SOX5: variants seen among roughly 807,000 people sequenced by gnomAD.
SOX5 encodes the protein SRY-box transcription factor 5.
SOX5 carries 9 observed loss-of-function variants against 92.0 expected under a neutral mutation model. The observed-to-expected ratio is 0.10, with a 90% CI of 0.06 to 0.17. The LOEUF (loss-of-function observed/expected upper bound fraction) is 0.17. SOX5 is among the 10% of genes least tolerant of loss of function. SOX5 has a pLI of 1.00. For synonymous variants in SOX5, 344 were observed against 336.3 expected, an observed-to-expected ratio of 1.02 and a Z score of -0.25; for missense variants, 642 against 944.5, an observed-to-expected ratio of 0.68 and a Z score of 4.20.
intron 2 of SOX5, among the ~76,000 whole-genome samples, chr12:24,298,783 C>CAAAAAAAAAAAAAAAAAAAAAAAA (rs10657648): frequency 1.0e-5 from 1 of 96,732 alleles, no homozygotes; most frequent in Non-Finnish European, 2.2e-5. Flanking sequence ...CCAGAGTAGT[C>CAAAAAAAAAAAAAAAAAAAAAAAA]AAAAAAAAAA....
intron 8 of SOX5, among the ~76,000 whole-genome samples, chr12:23,614,494 A>G (rs772863309): frequency 2.0e-5 from 3 of 152,212 alleles, no homozygotes; most frequent in Non-Finnish European, 4.4e-5. Context: ...ATGTATCAGT[A>G]GCCTGTTATT....
At chr12:24,347,230 T>C (rs963221317) in intron 2 of SOX5, among the ~76,000 whole-genome samples, 2 of 152,194 alleles carry the variant, frequency 1.3e-5, no homozygotes, top group Admixed American at 1.3e-4. Flanking sequence ...TGTACAGGCA[T>C]TGTATTTGCT....
chr12:24,513,604 G>T (rs1006829242), intron 1 of SOX5, among the ~76,000 whole-genome samples: 1 of 152,116 alleles, frequency 6.6e-6, no homozygotes, highest in Non-Finnish European at 1.5e-5. Flanking sequence ...GGGGAACATC[G>T]CAAGAATACT....
intron 3 of SOX5, among the ~76,000 whole-genome samples, chr12:23,825,711 A>AT (rs1226044492): frequency 6.6e-6 from 1 of 152,208 alleles, no homozygotes; most frequent in Non-Finnish European, 1.5e-5. Flanking sequence ...ATGTTTTCAA[A>AT]ACAACAAATA....
At chr12:24,104,218 T>C (rs914915717) in intron 4 of SOX5, among the ~76,000 whole-genome samples, 37 of 152,330 alleles carry the variant, frequency 2.4e-4, no homozygotes, top group African/African-American at 6.7e-4. Context: ...TTGAGATACA[T>C]AGAAATTAGA....
intron 9 of SOX5, among the ~76,000 whole-genome samples, chr12:23,587,542 C>A (rs1325323019): frequency 6.6e-6 from 1 of 151,884 alleles, no homozygotes; most frequent in Non-Finnish European, 1.5e-5. Context: ...TTTTTCTATC[C>A]CATAGATAGG....
intron 2 of SOX5, among the ~76,000 whole-genome samples, chr12:24,298,466 T>C (rs372819733): frequency 6.6e-6 from 1 of 152,318 alleles, no homozygotes; most frequent in East Asian, 1.9e-4. Context: ...AAAACGGGTA[T>C]GTATTCCTAA....
intron 4 of SOX5, among the ~76,000 whole-genome samples, chr12:24,017,296 G>C (rs1953739775): frequency 6.6e-6 from 1 of 152,134 alleles, no homozygotes; most frequent in South Asian, 2.1e-4. Flanking sequence ...GCTGAACTAA[G>C]CTGGAGAAAA....
intron 4 of SOX5, among the ~76,000 whole-genome samples, chr12:24,032,447 C>T (rs1280787391): frequency 1.3e-5 from 2 of 151,700 alleles, no homozygotes; most frequent in East Asian, 3.9e-4. Flanking sequence ...AATATAATTG[C>T]TATACTAAGG....
At chr12:24,145,443 A>C (rs1818398445) in intron 4 of SOX5, among the ~76,000 whole-genome samples, 1 of 152,218 alleles carries the variant, frequency 6.6e-6, no homozygotes, top group African/African-American at 2.4e-5. Flanking sequence ...ACTCTAGTTT[A>C]AATATAAGGA....
At chr12:23,991,285 C>A (rs1177516261) in intron 4 of SOX5, among the ~76,000 whole-genome samples, 1 of 151,148 alleles carries the variant, frequency 6.6e-6, no homozygotes, top group Non-Finnish European at 1.5e-5. Context: ...ATCCCTAAAG[C>A]CAGGAGGTCA....
intron 4 of SOX5, among the ~76,000 whole-genome samples, chr12:24,072,534 C>T (rs920096730): frequency 1.1e-4 from 16 of 152,178 alleles, no homozygotes; most frequent in African/African-American, 3.6e-4. Flanking sequence ...ACTGCAATTG[C>T]TAGTTTTAGA....
intron 1 of SOX5, among the ~76,000 whole-genome samples, chr12:24,453,353 C>T (rs1284667682): frequency 6.6e-6 from 1 of 152,150 alleles, no homozygotes; most frequent in African/African-American, 2.4e-5. Flanking sequence ...AGTGGTTACA[C>T]TCTACTCATG....
At chr12:23,804,603 T>G (rs1024810277) in intron 3 of SOX5, among the ~76,000 whole-genome samples, 2 of 152,068 alleles carry the variant, frequency 1.3e-5, no homozygotes, top group African/African-American at 4.8e-5. Flanking sequence ...TTTCTCAATT[T>G]ATTTGCCCTA....
chr12:24,130,089 C>T (rs762390215), intron 4 of SOX5, among the ~76,000 whole-genome samples: 1 of 148,932 alleles, frequency 6.7e-6, no homozygotes, highest in Non-Finnish European at 1.5e-5. Context: ...CTAGGAGAAG[C>T]AAGAAAAAAA....
At chr12:23,692,423 T>A (rs1350390947) in intron 6 of SOX5, among the ~76,000 whole-genome samples, 1 of 136,462 alleles carries the variant, frequency 7.3e-6, no homozygotes, top group African/African-American at 2.8e-5. Context: ...GGCGACAGAG[T>A]GAGACTACGC....
At chr12:24,535,101 T>C (rs1225693308) in intron 1 of SOX5, among the ~76,000 whole-genome samples, 1 of 152,160 alleles carries the variant, frequency 6.6e-6, no homozygotes, top group East Asian at 1.9e-4. Context: ...ATGAAATGCA[T>C]AACCACCTCC....
Position 24,215,052 on chromosome 12 carries a change from C to A in SOX5, c.-76-1635G>T, listed in dbSNP as rs186565797. On this transcript the variant is annotated intron_variant, in intron 3 of 4. Coordinates refer to the SOX5 transcript ENST00000446891. The stretch of plus-strand genomic sequence containing the variant: ...GAAAAGCATCTGACAAAATCCAACA[C>A]CCTGCTTTAAAACCATCAAAACATT... Among the ~76,000 whole-genome samples, 116 of 152,100 alleles carry A rather than the reference C, an allele frequency of 7.6e-4. 1 individual carries two copies. The highest frequency in any genetic ancestry group is 1.3e-4 in the Admixed American group (2 of 15,292).
chr12:24,254,142 CA>C (rs1379145632), intron 3 of SOX5, among the ~76,000 whole-genome samples: 2 of 152,070 alleles, frequency 1.3e-5, no homozygotes, highest in Non-Finnish European at 2.9e-5. Context: ...TACAAGGTAA[CA>C]ATGCATTCAG....
Sources: allele counts gnomAD v4.1 joint callset (sites outside exome capture counted in the v4.1 genomes callset), GRCh38; gene constraint gnomAD v4.1.1; transcripts MANE v1.5; gene names NCBI Gene and HGNC (gene_info 2026-07-23, HGNC 2026-07-21).